Variants in SULT1A4 observed in about 807,000 individuals in gnomAD.
SULT1A4 encodes sulfotransferase family 1A member 4, also known as sulfotransferase 1A4.
For synonymous variants in SULT1A4, 3 were observed against 19.4 expected, an observed-to-expected ratio of 0.15 and a Z score of 2.22; for missense variants, 4 against 40.6, an observed-to-expected ratio of 0.10 and a Z score of 2.45.
rs1188634189 is a variant in SULT1A4 at position 29,464,868 on chromosome 16, G to A, written c.*293G>A. On this transcript the variant is annotated 3_prime_UTR_variant, in exon 8 of 8. Transcript: ENST00000360423. ...CTGGAGGATCATTTCAGCCCAGGAG[G>A]TTGTGGATACAGTGAGTTATGACAT... The A allele has an allele frequency of 7.6e-5, 9 of 118,020 alleles. 2 individuals are homozygous for A. In the Admixed American group the frequency reaches 1.2e-3, roughly 16 times the overall value. The allele number at this position is 118,020 out of a possible 1,614,324, so 7.3% of individuals were successfully genotyped here.
At chr16:29,462,365 T>C (rs1175974901) in intron 4 of SULT1A4, among the ~76,000 whole-genome samples, 2 of 148,920 alleles carry the variant, frequency 1.3e-5, no homozygotes, top group South Asian at 2.1e-4. Context: ...TTTTTTTTTT[T>C]TGAGACAGAG....
At chr16:29,462,398 G>C (rs1244686003) in intron 4 of SULT1A4, among the ~76,000 whole-genome samples, 3 of 146,638 alleles carry the variant, frequency 2.0e-5, no homozygotes, top group African/African-American at 7.7e-5. Context: ...ACCCTGGCTG[G>C]AGTGCAGTGG....
chr16:29,461,287 T>G (rs1596710251), intron 1 of SULT1A4, 95 bp from the exon 2 acceptor site: 1 of 1,460,952 alleles, frequency 6.8e-7, no homozygotes, highest in Non-Finnish European at 9.1e-7. Context: ...AGAGTGAGAC[T>G]CCATCTCAAA....
chr16:29,462,114 CTG>C (rs1964875898), intron 4 of SULT1A4, among the ~76,000 whole-genome samples, 164 bp downstream of exon 4: 1 of 114,188 alleles, frequency 8.8e-6, no homozygotes, highest in African/African-American at 4.3e-5. Flanking sequence ...GTGGCATAGA[CTG>C]TTCCCAGTTA....
At chr16:29,460,922 C>T (rs1173615875) in intron 1 of SULT1A4, among the ~76,000 whole-genome samples, 1 of 1,890 alleles carries the variant, frequency 5.3e-4, no homozygotes, top group Non-Finnish European at 7.0e-3. Context: ...GCCCCAGCCC[C>T]GCCACTGACT....
intron 4 of SULT1A4, among the ~76,000 whole-genome samples, chr16:29,462,278 G>A (rs1303528987): frequency 2.1e-5 from 3 of 144,776 alleles, no homozygotes; most frequent in Non-Finnish European, 3.0e-5. Flanking sequence ...AGCCAGGAAG[G>A]GGGGCTCAGG....
In SULT1A4 at chr16:29,461,866, G is replaced by A; in HGVS notation, c.288G>A (p.Leu96=). 3.8e-6 allele frequency: 1 copy of A among 264,580 alleles called. No homozygotes were observed. The highest frequency in any genetic ancestry group is 6.4e-6 in the Non-Finnish European group (1 of 155,396). 16.4% of individuals were successfully genotyped at this position (264,580 alleles called of 1,614,324 possible). A position where few individuals can be genotyped will look rare whatever the true frequency, so the allele number is the denominator to read the frequency against. The part of the protein sequence containing the change: ...DPGEPSGLET[L]KDTPPPRLIK... ...CCCACTACTCAGGGCTGGAGACTCT[G>A]AAAGACACACCGCCCCCACGGCTCA... Residue 96 remains leucine (L), a synonymous_variant, in exon 4 of 8, where the codon CTG becomes CTA. Transcript: ENST00000360423.
chr16:29,461,308 A>C, intron 1 of SULT1A4, 74 bp from the exon 2 acceptor site: 2 of 1,467,464 alleles, frequency 1.4e-6, no homozygotes, highest in Non-Finnish European at 1.8e-6. Flanking sequence ...AAAAAAAAAA[A>C]AAAGAGAGAA....
intron 4 of SULT1A4, among the ~76,000 whole-genome samples, chr16:29,462,494 G>A (rs1250519305): frequency 5.9e-4 from 71 of 119,486 alleles, no homozygotes; most frequent in African/African-American, 3.3e-4. Flanking sequence ...GATTACAGGC[G>A]TGTGCTACCA....
chr16:29,462,080 A>G (rs1964875357), intron 4 of SULT1A4, 130 bp downstream of exon 4: 1 of 99,782 alleles, frequency 1.0e-5, no homozygotes, highest in East Asian at 3.6e-4. Flanking sequence ...ATCTCTACAA[A>G]AATAAAATTA....
chr16:29,462,409 C>A (rs958182379), intron 4 of SULT1A4, among the ~76,000 whole-genome samples: 1 of 145,452 alleles, frequency 6.9e-6, no homozygotes, highest in African/African-American at 2.6e-5. Context: ...AGTGCAGTGG[C>A]ATGATCTCAG....
chr16:29,461,303 A>G lies in SULT1A4; in HGVS notation c.-4-79A>G, dbSNP rs906906973. On this transcript the variant is annotated intron_variant, in intron 1 of 7. Coordinates refer to ENST00000360423, the MANE Select transcript of SULT1A4 (RefSeq NM_001017390.3). ...GAGTGAGACTCCATCTCAAAAAAAA[A>G]AAAAAAAAGAGAGAATCCCACTTTC... 2.0e-6 allele frequency: 3 copies of G among 1,469,312 alleles called. No individual in the cohort carries two copies. The African/African-American group carries it at 4.4e-5, about 21-fold the overall frequency. The allele number at this position is 1,469,312 out of a possible 1,614,324, so 91.0% of individuals were successfully genotyped here.
chr16:29,461,600 C>G, intron 2 of SULT1A4, 38 bp from the exon 3 acceptor site: 2 of 318,752 alleles, frequency 6.3e-6, no homozygotes, highest in South Asian at 4.7e-5. Context: ...AAGGTCGTGC[C>G]CTCAGCCTGC....
intron 4 of SULT1A4, among the ~76,000 whole-genome samples, chr16:29,462,332 G>A (rs1323891494): frequency 1.0e-4 from 15 of 148,414 alleles, no homozygotes; most frequent in African/African-American, 2.3e-4. Context: ...GGGCCTCCTC[G>A]CTTCTGCCAG....
intron 1 of SULT1A4, among the ~76,000 whole-genome samples, 173 bp from the exon 2 acceptor site, chr16:29,461,209 T>G (rs1209169668): frequency 1.8e-4 from 12 of 64,914 alleles, no homozygotes; most frequent in Non-Finnish European, 4.3e-4. Context: ...GCGGGAGGAT[T>G]GCTTGAACCC....
In SULT1A4 at chr16:29,461,634, C is replaced by T. The variant is rs1255728685; in HGVS notation, c.149-4C>T. The stretch of plus-strand genomic sequence containing the variant: ...GCTCACCTCCTATCTCCCTCCCTCT[C>T]CAGGCACCACCTGGGTGAGCCAGAT... On this transcript the variant is annotated splice_polypyrimidine_tract_variant and splice_region_variant and intron_variant, in intron 2 of 7. Coordinates refer to ENST00000360423, the MANE Select transcript of SULT1A4 (RefSeq NM_001017390.3). 7.1e-6 allele frequency: 2 copies of T among 281,978 alleles called. No homozygotes were observed. Among genetic ancestry groups the T allele is most frequent in the Non-Finnish European group, 1.3e-5 (2 of 157,894 alleles). 17.5% of individuals were successfully genotyped at this position (281,978 alleles called of 1,614,324 possible).
At position 29,461,842 on chromosome 16, in the gene SULT1A4, C is replaced by CCACT. The variant is rs536178800; in HGVS notation, c.275-10_275-7dup. The CCACT allele has an allele frequency of 0.017, 4,009 of 242,172 alleles. 7 individuals carry two copies. The highest frequency in any genetic ancestry group is 0.024 in the Non-Finnish European group (3,407 of 141,240). The allele number at this position is 242,172 out of a possible 1,614,324, so 15.0% of individuals were successfully genotyped here. A position where few individuals can be genotyped will look rare whatever the true frequency, so the allele number is the denominator to read the frequency against. ...TTCAGCTCACCAGACCTTCCCTGACCCACTACTCAGGGCTGGAGACTCTGA... is the reference window on the plus strand; with the variant it reads ...TTCAGCTCACCAGACCTTCCCTGACCCACTCACTACTCAGGGCTGGAGACTCTGA... On this transcript the variant is annotated splice_polypyrimidine_tract_variant and intron_variant, in intron 3 of 7. Transcript: ENST00000360423.
At chr16:29,462,338 G>T (rs1349455592) in intron 4 of SULT1A4, among the ~76,000 whole-genome samples, 1 of 148,604 alleles carries the variant, frequency 6.7e-6, no homozygotes, top group Non-Finnish European at 1.5e-5. Flanking sequence ...CCTCGCTTCT[G>T]CCAGGCTCAT....
In SULT1A4 at chr16:29,461,446, A is replaced by C; in HGVS notation, c.61A>C (p.Ile21Leu). ...GGAGTACGTGAAGGGGGTCCCGCTC[A>C]TCAAGTACTTTGCAGAGGCACTGGG... Reference protein sequence around the residue: ...PLEYVKGVPLIKYFAEALGPL... With the variant: ...PLEYVKGVPLLKYFAEALGPL... Residue 21 changes from isoleucine to leucine, a missense_variant, in exon 2 of 8, where the codon ATC (isoleucine) becomes CTC (leucine). Coordinates refer to ENST00000360423, the MANE Select transcript of SULT1A4 (RefSeq NM_001017390.3). The C allele has an allele frequency of 1.0e-6, 1 of 953,976 alleles. No homozygotes were observed. Among genetic ancestry groups the C allele is most frequent in the African/African-American group, 2.5e-5 (1 of 39,746 alleles). 59.1% of individuals were successfully genotyped at this position (953,976 alleles called of 1,614,324 possible). A position where few individuals can be genotyped will look rare whatever the true frequency, so the allele number is the denominator to read the frequency against.
Sources: gnomAD v4.1 joint callset for allele counts (sites outside exome capture counted in the v4.1 genomes callset) on GRCh38, gnomAD v4.1.1 for gene constraint, MANE v1.5 for transcripts, NCBI Gene and HGNC (gene_info 2026-07-23, HGNC 2026-07-21) for gene names.